Variants in CSMD1 observed in about 807,000 individuals in gnomAD.
The protein encoded by CSMD1 is CUB and sushi domain-containing protein 1.
CSMD1 carries 213 observed loss-of-function variants against 417.5 expected under a neutral mutation model. That is an observed-to-expected ratio of 0.51 (90% CI 0.46 to 0.57). The LOEUF is 0.57. Ranked by LOEUF, CSMD1 falls within the 20% of genes least tolerant of loss-of-function variation. The probability of loss-of-function intolerance (pLI) is 0.00; values close to 1 mark genes in which losing one functional copy is unlikely to be tolerated. For synonymous variants in CSMD1, 2,862 were observed against 1,736.8 expected (o/e 1.65, Z -16.11); for missense variants, 6,923 against 4,529.7 (o/e 1.53, Z -15.17).
intron 2 of CSMD1, among the ~76,000 whole-genome samples, chr8:4,625,519 C>A (rs1258862284): frequency 6.6e-6 from 1 of 151,938 alleles, no homozygotes; most frequent in African/African-American, 2.4e-5. Flanking sequence ...GTTCCACTTC[C>A]TCCCTACCTG....
At chr8:3,656,182 G>A (rs1798094042) in intron 7 of CSMD1, among the ~76,000 whole-genome samples, 2 of 152,164 alleles carry the variant, frequency 1.3e-5, no homozygotes, top group South Asian at 2.1e-4. Flanking sequence ...AAGTGAGAAT[G>A]TTTCCTACCA....
At chr8:3,215,772 A>G (rs1043090506) in intron 29 of CSMD1, among the ~76,000 whole-genome samples, 1 of 152,202 alleles carries the variant, frequency 6.6e-6, no homozygotes, top group African/African-American at 2.4e-5. Flanking sequence ...CCTGCTAGAA[A>G]TAGATAAATA....
intron 18 of CSMD1, among the ~76,000 whole-genome samples, chr8:3,380,686 C>A (rs1328682797): frequency 6.6e-6 from 1 of 152,042 alleles, no homozygotes; most frequent in Non-Finnish European, 1.5e-5. Context: ...GGGAGCTGAA[C>A]AATGAGAACA....
chr8:4,138,044 ATTTTTTTTTTTTTTTTTTTTTTTTTT>A (rs55993904), intron 3 of CSMD1, among the ~76,000 whole-genome samples: 6 of 62,708 alleles, frequency 9.6e-5, no homozygotes, highest in South Asian at 1.3e-3. Context: ...TGCCCGGCTA[ATTTTTTTTTTTTTTTTTTTTTTTTTT>A]TTTTTTTTTT....
At position 3,395,550 on chromosome 8, in the gene CSMD1, C is replaced by T. The variant is rs923610615; in HGVS notation, c.2593+644G>A. Among the ~76,000 whole-genome samples the T allele has an allele frequency of 4.6e-5, 7 of 152,308 alleles. No homozygotes were observed. In the South Asian group the frequency reaches 1.0e-3, roughly 23 times the overall value. ...ATTTCAGTAAACAAGGGCAGGAAAA[C>T]TTTCCATGTGGAAGTTTGGACTGTT... On this transcript the variant is annotated intron_variant, in intron 17 of 69. Coordinates refer to ENST00000635120, the MANE Select transcript of CSMD1 (RefSeq NM_033225.6).
intron 2 of CSMD1, among the ~76,000 whole-genome samples, chr8:4,609,648 G>A (rs1454133524): frequency 1.3e-5 from 2 of 152,088 alleles, no homozygotes; most frequent in Non-Finnish European, 2.9e-5. Context: ...TTCTTAATAG[G>A]CCAGTGACTT....
chr8:4,159,038 C>T (rs113638972), intron 3 of CSMD1, among the ~76,000 whole-genome samples: 61 of 152,260 alleles, frequency 4.0e-4, no homozygotes, highest in Admixed American at 1.2e-3. Context: ...GCCTCAGCCT[C>T]CATAGTAACT....
intron 26 of CSMD1, among the ~76,000 whole-genome samples, chr8:3,280,821 A>G (rs1048433604): frequency 5.3e-5 from 8 of 152,110 alleles, no homozygotes; most frequent in Non-Finnish European, 1.5e-5. Flanking sequence ...CATTTCCATG[A>G]TCCTCAAATA....
chr8:4,966,014 C>G (rs1197662517), intron 1 of CSMD1, among the ~76,000 whole-genome samples: 15 of 152,012 alleles, frequency 9.9e-5, no homozygotes, highest in Admixed American at 9.8e-4. Flanking sequence ...CTGAAGGATA[C>G]TTTATGATAT....
At chr8:4,668,465 T>G (rs1225231350) in intron 1 of CSMD1, among the ~76,000 whole-genome samples, 2 of 144,648 alleles carry the variant, frequency 1.4e-5, no homozygotes, top group African/African-American at 5.1e-5. Context: ...ATTATTATTA[T>G]TTGAGATGGA....
chr8:3,384,919 C>A (rs1203545285), intron 18 of CSMD1, among the ~76,000 whole-genome samples: 1 of 119,490 alleles, frequency 8.4e-6, no homozygotes, highest in Non-Finnish European at 1.6e-5. Context: ...TTATATATTA[C>A]ATATGCTAAT....
chr8:4,761,888 T>TA (rs1563319322), intron 1 of CSMD1, among the ~76,000 whole-genome samples: 1 of 68,834 alleles, frequency 1.5e-5, no homozygotes, highest in African/African-American at 4.9e-5. Context: ...TCTATCTATC[T>TA]ACCTACCTAT....
chr8:3,051,148 G>A (rs879729415), intron 50 of CSMD1, among the ~76,000 whole-genome samples: 2 of 152,174 alleles, frequency 1.3e-5, no homozygotes, highest in Non-Finnish European at 2.9e-5. Flanking sequence ...ACATGCACAT[G>A]TATGTTCACT....
chr8:3,946,151 G>C (rs1053796223), intron 5 of CSMD1, among the ~76,000 whole-genome samples: 1 of 151,990 alleles, frequency 6.6e-6, no homozygotes. Flanking sequence ...TAATCCCAAT[G>C]CACCCTTTGA....
chr8:3,881,106 G>A (rs1168649671), intron 5 of CSMD1, among the ~76,000 whole-genome samples: 1 of 152,048 alleles, frequency 6.6e-6, no homozygotes, highest in African/African-American at 2.4e-5. Context: ...AAATATTATT[G>A]ACTGAAATTA....
rs117076960 is a variant in CSMD1, at chr8:4,753,605, C to T, written c.86-116047G>A. ...TTGGCACCCATGAACCTGACATCCTCACAGTATCAGGCGTCTCACTGTTCC... is the reference window on the plus strand; with the variant it reads ...TTGGCACCCATGAACCTGACATCCTTACAGTATCAGGCGTCTCACTGTTCC... On this transcript the variant is annotated intron_variant, in intron 1 of 69. Coordinates refer to ENST00000635120, the MANE Select transcript of CSMD1 (RefSeq NM_033225.6). Among the ~76,000 whole-genome samples the T allele has an allele frequency of 1.7e-4, 26 of 152,330 alleles. No individual in the cohort carries two copies. The East Asian group carries it at 5.0e-3, about 29-fold the overall frequency.
chr8:4,161,054 G>A (rs561920714), intron 3 of CSMD1, among the ~76,000 whole-genome samples: 9 of 151,556 alleles, frequency 5.9e-5, no homozygotes, highest in African/African-American at 1.9e-4. Flanking sequence ...AAACTGAGCA[G>A]TCCCAGATTT....
chr8:4,029,366 G>A (rs1467866915), intron 4 of CSMD1, among the ~76,000 whole-genome samples: 2 of 152,160 alleles, frequency 1.3e-5, no homozygotes, highest in Admixed American at 6.5e-5. Flanking sequence ...TGGACATACA[G>A]TTCTATATGG....
chr8:3,996,505 G>T (rs192498348), intron 5 of CSMD1, among the ~76,000 whole-genome samples: 3 of 151,688 alleles, frequency 2.0e-5, no homozygotes, highest in African/African-American at 2.4e-5. Context: ...ATAAGGATTT[G>T]CTTTTGGCAG....
Sources: gnomAD v4.1 joint callset for allele counts (sites outside exome capture counted in the v4.1 genomes callset) on GRCh38, gnomAD v4.1.1 for gene constraint, MANE v1.5 for transcripts, NCBI Gene and HGNC (gene_info 2026-07-23, HGNC 2026-07-21) for gene names.